The following ADD1 variants were observed in gnomAD, a reference collection of about 807,000 sequenced individuals.
ADD1 encodes adducin 1, also known as alpha-adducin.
Under a neutral mutation model 80.5 loss-of-function variants are expected in ADD1, and 24 were observed. That is an observed-to-expected ratio of 0.30 (90% CI 0.22 to 0.42). The LOEUF (loss-of-function observed/expected upper bound fraction) is 0.42, where lower values mean the gene tolerates loss of function less well. Among genes scored for constraint, ADD1 ranks in the 10% least tolerant of loss-of-function variants. ADD1 has a pLI of 1.00. For missense variants in ADD1, 948 were observed against 1,019.0 expected, an observed-to-expected ratio of 0.93 and a Z score of 0.95; for synonymous variants, 373 against 393.8, an observed-to-expected ratio of 0.95 and a Z score of 0.63.
At chr4:2,885,824 A>G (rs1489294503) in intron 4 of ADD1, among the ~76,000 whole-genome samples, 5 of 151,920 alleles carry the variant, frequency 3.3e-5, no homozygotes, top group Admixed American at 6.6e-5. Context: ...GTTAGCCAGG[A>G]TGGTCTCGAT....
chr4:2,902,054 C>CCAAATCCATGTTTTTAACTA (rs1425791856), intron 9 of ADD1: 5 of 152,098 alleles, frequency 3.3e-5, no homozygotes, highest in Non-Finnish European at 5.9e-5. Flanking sequence ...CACGCCTGAC[C>CCAAATCCATGTTTTTAACTA]CAAATCCATG....
chr4:2,925,864 C>T (rs979187626), intron 14 of ADD1, 150 bp from the exon 15 acceptor site: 15 of 615,242 alleles, frequency 2.4e-5, no homozygotes, highest in African/African-American at 2.2e-4. Context: ...CTTCCTTTAT[C>T]CTCTCTTGGA....
intron 10 of ADD1, among the ~76,000 whole-genome samples, chr4:2,905,894 G>A (rs1319226083): frequency 2.0e-5 from 3 of 152,168 alleles, no homozygotes; most frequent in African/African-American, 4.8e-5. Flanking sequence ...TATTCCTCCT[G>A]TAACCTACCT....
At chr4:2,911,482 T>C (rs1331479906) in intron 13 of ADD1, among the ~76,000 whole-genome samples, 2 of 149,864 alleles carry the variant, frequency 1.3e-5, no homozygotes, top group African/African-American at 2.5e-5. Context: ...GGTCTCACTC[T>C]GTTGTCCAGG....
intron 9 of ADD1, among the ~76,000 whole-genome samples, chr4:2,903,093 C>T (rs1461898990): frequency 6.6e-6 from 1 of 151,202 alleles, no homozygotes; most frequent in Non-Finnish European, 1.5e-5. Flanking sequence ...GAAGATGGCC[C>T]CCAAAAAAGA....
At chr4:2,896,882 C>A (rs1456355904) in intron 6 of ADD1, among the ~76,000 whole-genome samples, 1 of 152,156 alleles carries the variant, frequency 6.6e-6, no homozygotes, top group East Asian at 1.9e-4. Context: ...CCTCAGCCTC[C>A]TGAGTAGGTG....
chr4:2,852,664 GT>G, intron 1 of ADD1, among the ~76,000 whole-genome samples: 2 of 101,164 alleles, frequency 2.0e-5, no homozygotes, highest in African/African-American at 8.2e-5. Context: ...TGTACTAGGT[GT>G]TTTCTGTACT....
intron 1 of ADD1, among the ~76,000 whole-genome samples, chr4:2,874,769 A>G (rs920789635): frequency 1.3e-5 from 2 of 152,034 alleles, no homozygotes; most frequent in African/African-American, 2.4e-5. Context: ...TCTTTTTTGC[A>G]TAATAAACTC....
chr4:2,885,818 G>T (rs376695038), intron 4 of ADD1, among the ~76,000 whole-genome samples: 2 of 151,440 alleles, frequency 1.3e-5, no homozygotes, highest in South Asian at 2.1e-4. Context: ...CACCGTGTTA[G>T]CCAGGATGGT....
At chr4:2,849,569 C>CCAA (rs1726756649) in intron 1 of ADD1, among the ~76,000 whole-genome samples, 1 of 152,152 alleles carries the variant, frequency 6.6e-6, no homozygotes, top group African/African-American at 2.4e-5. Context: ...TGGCTGTTTG[C>CCAA]ATGGGGAGGA....
intron 1 of ADD1, among the ~76,000 whole-genome samples, chr4:2,857,990 A>G (rs1728322316): frequency 6.6e-6 from 1 of 152,154 alleles, no homozygotes; most frequent in South Asian, 2.1e-4. Context: ...GATCTGCTGC[A>G]TTCAGAGCAT....
intron 1 of ADD1, among the ~76,000 whole-genome samples, chr4:2,855,523 A>G (rs1242200285): frequency 1.3e-5 from 2 of 151,660 alleles, no homozygotes; most frequent in Non-Finnish European, 2.9e-5. Context: ...AACGAAGTCT[A>G]AAACTAATAT....
Position 2,926,548 on chromosome 4 carries a change from C to A in ADD1, c.2047+436C>A. On this transcript the variant is annotated intron_variant, in intron 15 of 15. Transcript: ENST00000683351. This position sits in a 1 kb window ranked among gnomAD's most constrained non-coding sequence, Gnocchi z 5.0. ...TCCATGTCTCTCGTGAAGCCCGTGGCCCTGCCTTTCTTCTTCTGTAACCTG... is the reference window on the plus strand; with the variant it reads ...TCCATGTCTCTCGTGAAGCCCGTGGACCTGCCTTTCTTCTTCTGTAACCTG... 7.2e-7 allele frequency: 1 copy of A among 1,393,464 alleles called. No homozygotes were observed. The highest frequency in any genetic ancestry group is 1.0e-6 in the Non-Finnish European group (1 of 995,950). 86.3% of individuals were successfully genotyped at this position (1,393,464 alleles called of 1,614,324 possible).
chr4:2,885,757 C>A (rs1003300768), intron 4 of ADD1, among the ~76,000 whole-genome samples: 1 of 151,974 alleles, frequency 6.6e-6, no homozygotes, highest in African/African-American at 2.4e-5. Context: ...CTACAGGCGC[C>A]CGCCACCACG....
chr4:2,900,393 A>T (rs962433270), intron 9 of ADD1: 33 of 152,246 alleles, frequency 2.2e-4, no homozygotes, highest in African/African-American at 8.0e-4. Context: ...GGGGGTCACG[A>T]TGGTCCGTCC....
chr4:2,905,024 G>A lies in ADD1; in HGVS notation c.1422G>A (p.Thr474=), dbSNP rs949420270. Residue 474 remains threonine (T), a synonymous_variant, in exon 10 of 16, where the codon ACG becomes ACA. Coordinates refer to ENST00000683351, the MANE Select transcript of ADD1 (RefSeq NM_001354761.2). ...SSPKSKTKVW[T]NITHDHVKPL... ...CCAAGTCGAAGACTAAGGTGTGGAC[G>A]AACATTACACACGATCACGTGAAAC... 1 of 1,614,210 alleles carries A rather than the reference G, an allele frequency of 6.2e-7. No homozygotes were observed. Among genetic ancestry groups the A allele is most frequent in the Non-Finnish European group, 8.5e-7 (1 of 1,180,036 alleles).
chr4:2,908,626 G>T lies in ADD1; in HGVS notation c.1698+22G>T, dbSNP rs776657096. Reference sequence around the variant, plus strand: ...CCAGGTGAGAGCCCAGAGTGTCTCTGACTTTAGTGGGTGGTGGCTGTGTGA... The same window carrying T: ...CCAGGTGAGAGCCCAGAGTGTCTCTTACTTTAGTGGGTGGTGGCTGTGTGA... On this transcript the variant is annotated intron_variant, in intron 12 of 15. Coordinates refer to ENST00000683351, the MANE Select transcript of ADD1 (RefSeq NM_001354761.2). The T allele has an allele frequency of 4.4e-6, 7 of 1,599,634 alleles. No homozygotes were observed. The African/African-American group carries it at 9.4e-5, about 21-fold the overall frequency.
intron 2 of ADD1, among the ~76,000 whole-genome samples, chr4:2,877,426 A>G (rs930157871): frequency 5.3e-5 from 8 of 152,124 alleles, no homozygotes; most frequent in Non-Finnish European, 8.8e-5. Context: ...GTTATAACTT[A>G]CATAAAGTAC....
At chr4:2,923,451 C>G (rs1473914318) in intron 14 of ADD1, among the ~76,000 whole-genome samples, 1 of 152,240 alleles carries the variant, frequency 6.6e-6, no homozygotes, top group Admixed American at 6.5e-5. Flanking sequence ...CTTTGGCTCG[C>G]CCTCCGTGGG....
Sources: allele counts gnomAD v4.1 joint callset (sites outside exome capture counted in the v4.1 genomes callset), GRCh38; gene constraint gnomAD v4.1.1; non-coding constraint Gnocchi (gnomAD v3.1); transcripts MANE v1.5; gene names NCBI Gene and HGNC (gene_info 2026-07-23, HGNC 2026-07-21).